COLEC12: variants seen among roughly 807,000 people sequenced by gnomAD.
COLEC12 encodes collectin-12.
COLEC12 carries 33 observed loss-of-function variants against 71.1 expected under a neutral mutation model. That is an observed-to-expected ratio of 0.46 (90% confidence interval 0.35 to 0.62). The LOEUF (loss-of-function observed/expected upper bound fraction) is 0.62, where lower values mean the gene tolerates loss of function less well. Ranked by LOEUF, COLEC12 falls within the 20% of genes least tolerant of loss-of-function variation. COLEC12 has a pLI of 0.00. For synonymous variants in COLEC12, 350 were observed against 353.0 expected (o/e 0.99, Z 0.10); for missense variants, 765 against 916.1 (o/e 0.84, Z 2.13).
At chr18:345,342 T>C (rs182791008) in intron 5 of COLEC12, among the ~76,000 whole-genome samples, 13 of 152,384 alleles carry the variant, frequency 8.5e-5, no homozygotes, top group Non-Finnish European at 1.3e-4. Flanking sequence ...ATGATCTGGA[T>C]AACAGTAAAA....
At chr18:376,492 T>C (rs1049176041) in intron 2 of COLEC12, among the ~76,000 whole-genome samples, 2 of 152,226 alleles carry the variant, frequency 1.3e-5, no homozygotes, top group Non-Finnish European at 2.9e-5. Context: ...CACGTTGCAC[T>C]GTAGTAGAGT....
chr18:359,026 T>G (rs1030166594), intron 2 of COLEC12, among the ~76,000 whole-genome samples: 1 of 130,862 alleles, frequency 7.6e-6, no homozygotes, highest in Admixed American at 7.3e-5. Flanking sequence ...AATCTCTGTA[T>G]GACAAAATAT....
rs147019583 is a variant in COLEC12, at chr18:350,884, T to C, written c.182-2721A>G. Among the ~76,000 whole-genome samples the C allele has an allele frequency of 2.7e-3, 393 of 144,734 alleles. 2 individuals carry two copies. The highest frequency in any genetic ancestry group is 9.8e-3 in the African/African-American group (379 of 38,758). The allele number at this position is 144,734 out of a possible 152,430, so 95.0% of individuals were successfully genotyped here. A position where few individuals can be genotyped will look rare whatever the true frequency, so the allele number is the denominator to read the frequency against. On this transcript the variant is annotated intron_variant, in intron 3 of 9. Coordinates refer to ENST00000400256, the MANE Select transcript of COLEC12 (RefSeq NM_130386.3). ...TGGAACCAGGAGAATTGCTTGAACCTGGGAAGTGGAGGTTGCAGTGAGCCG... is the reference window on the plus strand; with the variant it reads ...TGGAACCAGGAGAATTGCTTGAACCCGGGAAGTGGAGGTTGCAGTGAGCCG...
At position 401,485 on chromosome 18, in the gene COLEC12, G is replaced by A. The variant is rs542080820; in HGVS notation, c.59-43963C>T. On this transcript the variant is annotated intron_variant, in intron 2 of 9. Coordinates refer to ENST00000400256, the MANE Select transcript of COLEC12 (RefSeq NM_130386.3). ...CCAATTGCAAGAATGTTACAGCCAA[G>A]GCTTCTCAGTTGCCTGTGAAAGTAT... Among the ~76,000 whole-genome samples the A allele has an allele frequency of 2.1e-3, 316 of 151,946 alleles. 2 individuals carry two copies. The highest frequency in any genetic ancestry group is 2.1e-3 in the Non-Finnish European group (143 of 68,002).
intron 2 of COLEC12, among the ~76,000 whole-genome samples, chr18:429,404 C>T (rs1040463990): frequency 3.5e-4 from 53 of 149,546 alleles, no homozygotes; most frequent in African/African-American, 1.2e-3. Context: ...TTTTTTAAGA[C>T]AGTGTCTCAC....
intron 2 of COLEC12, among the ~76,000 whole-genome samples, chr18:404,300 G>C (rs549988353): frequency 6.6e-6 from 1 of 152,260 alleles, no homozygotes; most frequent in South Asian, 2.1e-4. Context: ...TCCTCTGCCT[G>C]CTATTTGCAA....
intron 3 of COLEC12, among the ~76,000 whole-genome samples, chr18:349,602 C>T (rs562803197): frequency 6.6e-6 from 1 of 152,306 alleles, no homozygotes; most frequent in African/African-American, 2.4e-5. Flanking sequence ...GATCCACTGA[C>T]AGTTTGCACC....
chr18:404,917 A>G (rs1337942273), intron 2 of COLEC12, among the ~76,000 whole-genome samples: 1 of 152,222 alleles, frequency 6.6e-6, no homozygotes, highest in Non-Finnish European at 1.5e-5. Flanking sequence ...CTTCTTGCAG[A>G]GAGCCTATAA....
intron 2 of COLEC12, among the ~76,000 whole-genome samples, chr18:436,227 G>C (rs1044463460): frequency 2.0e-5 from 3 of 152,180 alleles, no homozygotes; most frequent in African/African-American, 7.2e-5. Flanking sequence ...AGGGCAAAGC[G>C]GGGCCAGGCG....
At chr18:320,145 A>G (rs1913668952) in intron 9 of COLEC12, 81 bp from the exon 10 acceptor site, 1 of 795,380 alleles carries the variant, frequency 1.3e-6, no homozygotes, top group African/African-American at 1.7e-5. Flanking sequence ...GGGAACGTGT[A>G]TTTTTATAGG....
intron 5 of COLEC12, among the ~76,000 whole-genome samples, chr18:338,788 TACTG>T (rs1283212773): frequency 6.6e-6 from 1 of 152,118 alleles, no homozygotes; most frequent in African/African-American, 2.4e-5. Context: ...AGGGAAAAAA[TACTG>T]ACAATTTAGG....
intron 2 of COLEC12, among the ~76,000 whole-genome samples, chr18:391,300 T>C (rs1364527424): frequency 1.3e-5 from 2 of 152,200 alleles, no homozygotes; most frequent in Admixed American, 1.3e-4. Flanking sequence ...CGGTGAGTGG[T>C]ACTGTGTGTG....
At position 493,205 on chromosome 18, in the gene COLEC12, G is replaced by A. The variant is rs553969453; in HGVS notation, c.7+7303C>T. Among the ~76,000 whole-genome samples, 4 of 152,272 alleles carry A rather than the reference G, an allele frequency of 2.6e-5. No homozygotes were observed. The South Asian group carries it at 6.2e-4, about 24-fold the overall frequency. On this transcript the variant is annotated intron_variant, in intron 1 of 9. Transcript: ENST00000400256. ...TCCTCCCACCTCAGTCTCCCAAGTA[G>A]CTGGGACTATAGCCACTCACCACCG...
At chr18:345,722 T>C (rs759188727) in intron 5 of COLEC12, among the ~76,000 whole-genome samples, 1 of 152,254 alleles carries the variant, frequency 6.6e-6, no homozygotes, top group Non-Finnish European at 1.5e-5. Flanking sequence ...AAATTCAAAT[T>C]AACCAACCTT....
At chr18:321,584 GCCCTTGTACTCACCAC>G in intron 9 of COLEC12, 62 bp downstream of exon 9, 3 of 1,497,386 alleles carry the variant, frequency 2.0e-6, no homozygotes, top group Non-Finnish European at 2.8e-6. Flanking sequence ...TGCATTCAGG[GCCCTTGTACTCACCAC>G]CCCTCACCCT....
intron 2 of COLEC12, among the ~76,000 whole-genome samples, chr18:369,401 T>TTATTTTTA (rs1555615264): frequency 7.6e-6 from 1 of 132,400 alleles, no homozygotes; most frequent in Non-Finnish European, 1.6e-5. Context: ...TTTTTTATTT[T>TTATTTTTA]TTTTTATTTT....
In COLEC12 at chr18:391,252, T is replaced by C. The variant is rs1036775300; in HGVS notation, c.59-33730A>G. ...AAGAGACTCAGGAGATTACACATTCTCTTATTTTAGGAGTGTGTGCAGGTG... is the reference window on the plus strand; with the variant it reads ...AAGAGACTCAGGAGATTACACATTCCCTTATTTTAGGAGTGTGTGCAGGTG... On this transcript the variant is annotated intron_variant, in intron 2 of 9. Coordinates refer to ENST00000400256, the MANE Select transcript of COLEC12 (RefSeq NM_130386.3). Among the ~76,000 whole-genome samples the C allele has an allele frequency of 2.0e-5, 3 of 152,176 alleles. No individual in the cohort carries two copies. The South Asian group carries it at 6.2e-4, about 32-fold the overall frequency.
At chr18:428,275 AAAG>A (rs1395671687) in intron 2 of COLEC12, among the ~76,000 whole-genome samples, 1 of 152,076 alleles carries the variant, frequency 6.6e-6, no homozygotes, top group African/African-American at 2.4e-5. Flanking sequence ...AAAAAAAAAA[AAAG>A]AGCTTTTTCT....
At chr18:385,315 GATTTTTT>G (rs752994769) in intron 2 of COLEC12, among the ~76,000 whole-genome samples, 1 of 114,482 alleles carries the variant, frequency 8.7e-6, no homozygotes, top group Non-Finnish European at 1.7e-5. Flanking sequence ...TTTAAAATGG[GATTTTTT>G]TTTTTTTTTT....
Sources: allele counts gnomAD v4.1 joint callset (sites outside exome capture counted in the v4.1 genomes callset), GRCh38; gene constraint gnomAD v4.1.1; transcripts MANE v1.5; gene names NCBI Gene and HGNC (gene_info 2026-07-23, HGNC 2026-07-21).